ADAMTS19: variants seen among roughly 807,000 people sequenced by gnomAD.
The protein encoded by ADAMTS19 is A disintegrin and metalloproteinase with thrombospondin motifs 19.
A neutral mutation model predicts 153.3 loss-of-function variants in ADAMTS19; 93 were observed. The ratio of observed to expected loss-of-function variants is 0.61; its 90% CI spans 0.51 to 0.72. The LOEUF (loss-of-function observed/expected upper bound fraction) is 0.72. Ranked by LOEUF, ADAMTS19 falls within the 30% of genes least tolerant of loss-of-function variation. The pLI, the probability that ADAMTS19 is intolerant of heterozygous loss-of-function variation, is 0.00. For synonymous variants in ADAMTS19, 600 were observed against 556.6 expected, an observed-to-expected ratio of 1.08 and a Z score of -1.10; for missense variants, 1,482 against 1,552.1, an observed-to-expected ratio of 0.95 and a Z score of 0.76.
At chr5:129,479,552 A>C (rs1286227623) in intron 2 of ADAMTS19, among the ~76,000 whole-genome samples, 1 of 152,188 alleles carries the variant, frequency 6.6e-6, no homozygotes, top group Admixed American at 6.5e-5. Context: ...TTATTCACAG[A>C]AAACATGATG....
At chr5:129,600,125 T>C (rs1418663419) in intron 8 of ADAMTS19, among the ~76,000 whole-genome samples, 1 of 152,002 alleles carries the variant, frequency 6.6e-6, no homozygotes. Flanking sequence ...CAAGAAAAAA[T>C]GTCCATATGC....
intron 19 of ADAMTS19, among the ~76,000 whole-genome samples, chr5:129,696,778 G>T (rs966789515): frequency 6.6e-6 from 1 of 152,122 alleles, no homozygotes; most frequent in Non-Finnish European, 1.5e-5. Flanking sequence ...TTGGTTGAGG[G>T]TTAAATTATT....
chr5:129,527,905 A>T, intron 5 of ADAMTS19, 74 bp downstream of exon 5: 1 of 888,616 alleles, frequency 1.1e-6, no homozygotes, highest in Non-Finnish European at 1.8e-6. Flanking sequence ...AGTAAAGGGA[A>T]TGTTAAGGAT....
At chr5:129,522,358 T>TATAC (rs1554089314) in intron 3 of ADAMTS19, among the ~76,000 whole-genome samples, 2 of 137,894 alleles carry the variant, frequency 1.5e-5, no homozygotes, top group Non-Finnish European at 3.1e-5. Context: ...TATATATATA[T>TATAC]ATATATATGA....
intron 21 of ADAMTS19, among the ~76,000 whole-genome samples, chr5:129,730,643 A>G (rs928869380): frequency 6.6e-6 from 1 of 152,124 alleles, no homozygotes; most frequent in Non-Finnish European, 1.5e-5. Context: ...CAGAACATGT[A>G]CTTTTGGCCA....
chr5:129,654,002 A>T (rs1234900210), intron 13 of ADAMTS19, among the ~76,000 whole-genome samples: 1 of 152,156 alleles, frequency 6.6e-6, no homozygotes, highest in Non-Finnish European at 1.5e-5. Flanking sequence ...GGGTGTGCCA[A>T]TATTATTCAG....
chr5:129,682,852 T>C (rs1336933390), intron 17 of ADAMTS19, among the ~76,000 whole-genome samples: 2 of 152,064 alleles, frequency 1.3e-5, no homozygotes, highest in Non-Finnish European at 2.9e-5. Flanking sequence ...CACATCAAAA[T>C]ACATCTTAGG....
chr5:129,512,260 G>T (rs1006490278), intron 3 of ADAMTS19, among the ~76,000 whole-genome samples: 5 of 152,024 alleles, frequency 3.3e-5, no homozygotes, highest in Non-Finnish European at 5.9e-5. Context: ...GACTTAACCA[G>T]GCCACTACTG....
intron 3 of ADAMTS19, among the ~76,000 whole-genome samples, chr5:129,522,330 CACATATATATATAT>C (rs1751848249): frequency 2.8e-5 from 2 of 70,958 alleles, no homozygotes; most frequent in African/African-American, 1.4e-4. Context: ...CACACACACA[CACATATATATATAT>C]ATATATATAT....
intron 21 of ADAMTS19, among the ~76,000 whole-genome samples, chr5:129,707,378 TATATGA>T (rs1423556599): frequency 1.8e-4 from 27 of 152,354 alleles, no homozygotes; most frequent in Admixed American, 6.5e-4. Context: ...TTTCGGACTT[TATATGA>T]ATATAAGTGC....
chr5:129,507,635 C>T (rs1363575816), intron 2 of ADAMTS19, among the ~76,000 whole-genome samples: 1 of 150,464 alleles, frequency 6.6e-6, no homozygotes. Flanking sequence ...TATCCCTACC[C>T]CTGAATATAT....
Position 129,461,706 on chromosome 5 carries a change from G to A in ADAMTS19, c.696G>A (p.Val232=). The A allele has an allele frequency of 6.5e-7, 1 of 1,531,810 alleles. No homozygotes were observed. 94.9% of individuals were successfully genotyped at this position (1,531,810 alleles called of 1,614,324 possible). Residue 232 remains valine (V), a synonymous_variant, in exon 2 of 23, where the codon GTG becomes GTA. Coordinates refer to ENST00000274487, the MANE Select transcript of ADAMTS19 (RefSeq NM_133638.6). This position sits in a 1 kb window ranked among gnomAD's most constrained non-coding sequence, Gnocchi z 4.6. ...PDAGCFYTGA[V]LRHPGSLASF... ...CAGGCTGCTTCTACACCGGAGCTGT[G>A]CTGCGGCACCCTGGCTCGCTGGCTT...
chr5:129,708,778 T>G (rs1011296144), intron 21 of ADAMTS19, among the ~76,000 whole-genome samples: 2 of 152,118 alleles, frequency 1.3e-5, no homozygotes, highest in Admixed American at 6.6e-5. Flanking sequence ...TGGTTTATTC[T>G]TATATTTATA....
chr5:129,649,768 G>GGGA (rs1304520804), intron 13 of ADAMTS19, among the ~76,000 whole-genome samples: 1 of 152,122 alleles, frequency 6.6e-6, no homozygotes, highest in Non-Finnish European at 1.5e-5. Flanking sequence ...TATAACCATG[G>GGGA]GGAGAAACTG....
intron 2 of ADAMTS19, among the ~76,000 whole-genome samples, chr5:129,494,023 ACTT>A (rs1750851210): frequency 6.6e-6 from 1 of 151,868 alleles, no homozygotes; most frequent in Non-Finnish European, 1.5e-5. Context: ...AAATTACAAA[ACTT>A]CTATCCATTA....
At chr5:129,650,009 C>G (rs1206598821) in intron 13 of ADAMTS19, among the ~76,000 whole-genome samples, 1 of 152,008 alleles carries the variant, frequency 6.6e-6, no homozygotes, top group Non-Finnish European at 1.5e-5. Flanking sequence ...AAAACCCTGT[C>G]TCTACCAAAA....
Position 129,681,762 on chromosome 5 carries a change from G to A in ADAMTS19, c.2664+1841G>A, listed in dbSNP as rs140951547. ...TAAGTATACTTTGAATAATCATTTT[G>A]TGCATCACCTCACAGTCCCATTGGA... On this transcript the variant is annotated intron_variant, in intron 17 of 22. Transcript: ENST00000274487. 2.4e-3 allele frequency among the ~76,000 whole-genome samples: 367 copies of A among 152,142 alleles called. 1 individual carries two copies. Among genetic ancestry groups the A allele is most frequent in the African/African-American group, 8.6e-3 (356 of 41,516 alleles).
chr5:129,582,555 G>T (rs181600759), intron 7 of ADAMTS19, among the ~76,000 whole-genome samples: 4 of 151,710 alleles, frequency 2.6e-5, no homozygotes, highest in Non-Finnish European at 1.5e-5. Context: ...CTCCTAGTCT[G>T]TGTCTTTTAT....
At chr5:129,677,554 C>T (rs1754606444) in intron 16 of ADAMTS19, among the ~76,000 whole-genome samples, 1 of 152,080 alleles carries the variant, frequency 6.6e-6, no homozygotes, top group South Asian at 2.1e-4. Context: ...TCATTATTTG[C>T]CATCATAACC....
Sources: allele counts gnomAD v4.1 joint callset (sites outside exome capture counted in the v4.1 genomes callset), GRCh38; gene constraint gnomAD v4.1.1; non-coding constraint Gnocchi (gnomAD v3.1); transcripts MANE v1.5; gene names NCBI Gene and HGNC (gene_info 2026-07-23, HGNC 2026-07-21).